PARP14: variants seen among roughly 807,000 people sequenced by gnomAD.
The protein encoded by PARP14 is poly(ADP-ribose) polymerase family member 14.
A neutral mutation model predicts 154.2 loss-of-function variants in PARP14; 59 were observed. That is an observed-to-expected ratio of 0.38 (90% confidence interval 0.31 to 0.48). PARP14 has a LOEUF of 0.48. Ranked by LOEUF, PARP14 falls within the 20% of genes least tolerant of loss-of-function variation. The probability of loss-of-function intolerance (pLI) is 0.98; values close to 1 mark genes in which losing one functional copy is unlikely to be tolerated. For missense variants in PARP14, 1,734 were observed against 2,131.6 expected (o/e 0.81, Z 3.67); for synonymous variants, 720 against 780.5 (o/e 0.92, Z 1.29).
intron 6 of PARP14, 74 bp from the exon 7 acceptor site, chr3:122,703,668 T>A (rs941845453): frequency 1.5e-5 from 12 of 820,992 alleles, no homozygotes; most frequent in Non-Finnish European, 1.9e-5. Context: ...CCAAGCCCAG[T>A]GCCTCAAATA....
Position 122,700,068 on chromosome 3 carries a change from C to T in PARP14, c.1514C>T (p.Thr505Ile). The change falls in exon 6 of 17, where the codon ACT becomes ATT. Residue 505 changes from threonine to isoleucine, a missense_variant. Physicochemically the swap from Thr to Ile is moderately conservative, Grantham distance 89. This residue lies in a region of PARP14 where 1,646 missense variants were observed against 1,976.0 expected (regional missense o/e 0.83). Transcript: ENST00000474629. The part of the protein sequence containing the change: ...PEIEICYDRV[T>I]QHLCLKGPSA... ...ATAGAGATTTGTTACGATAGAGTCACTCAACACTTGTGCTTGAAAGGACCT... is the reference window on the plus strand; with the variant it reads ...ATAGAGATTTGTTACGATAGAGTCATTCAACACTTGTGCTTGAAAGGACCT... 1 of 1,613,902 alleles carries T rather than the reference C, an allele frequency of 6.2e-7. No homozygotes were observed. The highest frequency in any genetic ancestry group is 1.1e-5 in the South Asian group (1 of 91,064).
At chr3:122,712,262 T>C (rs1364350052) in intron 9 of PARP14, among the ~76,000 whole-genome samples, 1 of 151,512 alleles carries the variant, frequency 6.6e-6, no homozygotes, top group Non-Finnish European at 1.5e-5. Flanking sequence ...TTTTCTTTTT[T>C]CTATGGAGTC....
intron 15 of PARP14, among the ~76,000 whole-genome samples, chr3:122,724,644 A>T (rs955873415): frequency 1.2e-4 from 18 of 151,050 alleles, no homozygotes; most frequent in Non-Finnish European, 2.7e-4. Context: ...TTGAAAAAAA[A>T]ATTTTTTTTT....
At chr3:122,694,062 A>G (rs977500183) in intron 4 of PARP14, among the ~76,000 whole-genome samples, 13 of 152,212 alleles carry the variant, frequency 8.5e-5, no homozygotes, top group Non-Finnish European at 1.6e-4. Flanking sequence ...CACAGAGATG[A>G]ATAATCAGGT....
At chr3:122,702,810 C>G (rs951484209) in intron 6 of PARP14, among the ~76,000 whole-genome samples, 1 of 152,120 alleles carries the variant, frequency 6.6e-6, no homozygotes. Flanking sequence ...TTCCTTGTCT[C>G]TTTTGACACC....
In PARP14 at chr3:122,718,518, C is replaced by T. The variant is rs1250508734; in HGVS notation, c.4367C>T (p.Pro1456Leu). Reference sequence around the variant, plus strand: ...GACCTGATTGAAAAAGAACAGTGTCCTTACACCAGTGAAGATGAGTGCATC... The same window carrying T: ...GACCTGATTGAAAAAGAACAGTGTCTTTACACCAGTGAAGATGAGTGCATC... Reference protein sequence around the residue: ...LQDLIEKEQCPYTSEDECIKD... With the variant: ...LQDLIEKEQCLYTSEDECIKD... The change falls in exon 14 of 17, where the codon CCT becomes CTT. Residue 1456 changes from proline to leucine, a missense_variant. Physicochemically the swap from Pro to Leu is moderately conservative, Grantham distance 98. Transcript: ENST00000474629. 1 of 1,613,882 alleles carries T rather than the reference C, an allele frequency of 6.2e-7. No individual in the cohort carries two copies. The highest frequency in any genetic ancestry group is 8.5e-7 in the Non-Finnish European group (1 of 1,179,802).
chr3:122,728,607 A>G lies in PARP14; in HGVS notation c.*10A>G, dbSNP rs367895347. 1.4e-5 allele frequency: 23 copies of G among 1,596,940 alleles called. No individual in the cohort carries two copies. The highest frequency in any genetic ancestry group is 2.7e-5 in the African/African-American group (2 of 74,436). On this transcript the variant is annotated 3_prime_UTR_variant, in exon 17 of 17. Transcript: ENST00000474629. The stretch of plus-strand genomic sequence containing the variant: ...TACGTTTAGAAAATAACACTTTGGT[A>G]TCCTTCCCACAAAATTATTCTCCAT...
At chr3:122,728,114 G>A in intron 16 of PARP14, 128 bp downstream of exon 16, 1 of 947,234 alleles carries the variant, frequency 1.1e-6, no homozygotes, top group Non-Finnish European at 1.6e-6. Flanking sequence ...GAGTTTCAGG[G>A]TAGGACTCAC....
chr3:122,715,573 TCTC>T (rs1932972262), intron 12 of PARP14, among the ~76,000 whole-genome samples: 1 of 152,034 alleles, frequency 6.6e-6, no homozygotes, highest in Non-Finnish European at 1.5e-5. Context: ...AGCCAACATT[TCTC>T]CTATCTCTCT....
In PARP14 at chr3:122,713,523, A is replaced by G; in HGVS notation, c.3719A>G (p.Glu1240Gly). 2 of 1,613,724 alleles carry G rather than the reference A, an allele frequency of 1.2e-6. No homozygotes were observed. The highest frequency in any genetic ancestry group is 8.5e-7 in the Non-Finnish European group (1 of 1,179,646). ...QVASGDITKE[E>G]ADVIVNSTSN... ...GCTTCTGGAGATATCACGAAAGAAG[A>G]GGCAGATGTGATTGTAAATTCAACA... The change falls in exon 10 of 17, where the codon GAG (glutamate) becomes GGG (glycine). Residue 1240 changes from glutamate (E) to glycine (G), a missense_variant. Glu to Gly is a moderately conservative substitution (Grantham distance 98). This residue lies in a region of PARP14 where 1,646 missense variants were observed against 1,976.0 expected (regional missense o/e 0.83). Coordinates refer to ENST00000474629, the MANE Select transcript of PARP14 (RefSeq NM_017554.3).
chr3:122,717,784 G>A (rs926673713), intron 12 of PARP14, among the ~76,000 whole-genome samples: 1 of 152,214 alleles, frequency 6.6e-6, no homozygotes, highest in Admixed American at 6.5e-5. Context: ...ACAATGAGCT[G>A]GGATCAGTTG....
chr3:122,690,908 G>A (rs963194165), intron 3 of PARP14, among the ~76,000 whole-genome samples: 1 of 152,158 alleles, frequency 6.6e-6, no homozygotes, highest in African/African-American at 2.4e-5. Flanking sequence ...GTCATTCAGG[G>A]ACCCAGGCTC....
rs1258888876 is a variant in PARP14 at position 122,700,495 on chromosome 3, T to C, written c.1941T>C (p.Ile647=). 6.2e-7 allele frequency: 1 copy of C among 1,611,028 alleles called. No homozygotes were observed. The highest frequency in any genetic ancestry group is 1.7e-5 in the Admixed American group (1 of 59,532). Residue 647 remains isoleucine, a synonymous_variant, in exon 6 of 17, where the codon ATT becomes ATC. Transcript: ENST00000474629. The stretch of plus-strand genomic sequence containing the variant: ...CAGAAACCACAGCTGAAGTCATCAT[T>C]ACAGGCTGTGTAAAAGAAGTAAATG... ...LTSETTAEVI[I]TGCVKEVNET... is the part of the protein sequence containing the mutation.
Position 122,699,506 on chromosome 3 carries a change from C to A in PARP14, c.952C>A (p.Leu318Ile). Residue 318 changes from leucine to isoleucine, a missense_variant, in exon 6 of 17, where the codon CTT (leucine) becomes ATT (isoleucine). Physicochemically the swap from Leu to Ile is conservative, Grantham distance 5. Around this residue, in one of 2 missense-constraint regions of PARP14, gnomAD observed 1,646 missense variants for 1,976.0 expected, o/e 0.83. Transcript: ENST00000474629. ...LYGKEKPLIK[L>I]PAPFEESLDL... ...TGGAAAGGAGAAGCCTCTGATCAAG[C>A]TTCCAGCACCATTTGAAGAGTCACT... is the stretch of plus-strand genomic sequence containing the variant. 1 of 1,613,894 alleles carries A rather than the reference C, an allele frequency of 6.2e-7. No homozygotes were observed. The highest frequency in any genetic ancestry group is 8.5e-7 in the Non-Finnish European group (1 of 1,179,766).
rs749586341 is a variant in PARP14, at chr3:122,720,237, CA to C, written c.4808-15del. ...TACCGGGGATGTATGAGGGCATCCT[CA>C]AATGTCTCCTTTGCAGTTGACATCC... On this transcript the variant is annotated splice_polypyrimidine_tract_variant and intron_variant, in intron 14 of 16. Coordinates refer to ENST00000474629, the MANE Select transcript of PARP14 (RefSeq NM_017554.3). 2.2e-5 allele frequency: 35 copies of C among 1,610,678 alleles called. 1 individual carries two copies. The South Asian group carries it at 3.0e-4, about 14-fold the overall frequency.
intron 14 of PARP14, 131 bp from the exon 15 acceptor site, chr3:122,720,124 C>T (rs986019144): frequency 1.0e-4 from 90 of 870,380 alleles, no homozygotes; most frequent in Admixed American, 2.9e-4. Context: ...CTTTGAAAAG[C>T]GTTCTCCTAG....
At chr3:122,698,790 T>C (rs1938860124) in intron 5 of PARP14, among the ~76,000 whole-genome samples, 1 of 152,196 alleles carries the variant, frequency 6.6e-6, no homozygotes, top group African/African-American at 2.4e-5. Flanking sequence ...TTTTGAGGTA[T>C]TAATGTTAAT....
chr3:122,720,767 A>G, intron 15 of PARP14: 1 of 459,356 alleles, frequency 2.2e-6, no homozygotes, highest in South Asian at 1.5e-5. Context: ...TCACAGATCA[A>G]CAGTGCTTCC....
Position 122,695,328 on chromosome 3 carries a change from C to T in PARP14, c.599-98C>T, listed in dbSNP as rs1026615763. Reference sequence around the variant, plus strand: ...TCTAAAAATGGAGTGCTTAGCTCTTCCTTTTATTTCAATTAGTAGCCAGAC... The same window carrying T: ...TCTAAAAATGGAGTGCTTAGCTCTTTCTTTTATTTCAATTAGTAGCCAGAC... On this transcript the variant is annotated intron_variant, in intron 4 of 16. Transcript: ENST00000474629. 7.6e-6 allele frequency: 5 copies of T among 657,778 alleles called. No individual in the cohort carries two copies. In the Admixed American group the frequency reaches 8.7e-5, roughly 11 times the overall value. The allele number at this position is 657,778 out of a possible 1,614,324, so 40.7% of individuals were successfully genotyped here.
Sources: allele counts gnomAD v4.1 joint callset (sites outside exome capture counted in the v4.1 genomes callset), GRCh38; gene constraint gnomAD v4.1.1; regional missense constraint gnomAD v4.1.1; transcripts MANE v1.5; gene names NCBI Gene and HGNC (gene_info 2026-07-23, HGNC 2026-07-21).